The following HPSE2 variants were observed in gnomAD, a reference collection of about 807,000 sequenced individuals.
The protein encoded by HPSE2 is inactive heparanase-2.
HPSE2 carries 38 observed loss-of-function variants against 60.5 expected under a neutral mutation model. That is an observed-to-expected ratio of 0.63 (90% CI 0.48 to 0.82). HPSE2 has a LOEUF of 0.82. Among genes scored for constraint, HPSE2 ranks in the 40% least tolerant of loss-of-function variants. The probability of loss-of-function intolerance (pLI) is 0.00; values close to 1 mark genes in which losing one functional copy is unlikely to be tolerated. For missense variants in HPSE2, 713 were observed against 740.4 expected, an observed-to-expected ratio of 0.96 and a Z score of 0.43; for synonymous variants, 295 against 293.2, an observed-to-expected ratio of 1.01 and a Z score of -0.06.
intron 3 of HPSE2, among the ~76,000 whole-genome samples, chr10:98,942,721 T>C (rs375222840): frequency 5.9e-5 from 9 of 152,234 alleles, no homozygotes; most frequent in Admixed American, 2.0e-4. Context: ...CCCAGCCATC[T>C]CATTATTGGG....
At chr10:98,969,585 T>G (rs1302311840) in intron 3 of HPSE2, among the ~76,000 whole-genome samples, 3 of 152,190 alleles carry the variant, frequency 2.0e-5, no homozygotes, top group Admixed American at 2.0e-4. Context: ...TGGAGGTTAA[T>G]TAAGAAGAAA....
rs140804838 is a variant in HPSE2, at chr10:99,200,640, T to C, written c.448+31708A>G. ...TAATATGAATACAATGCCTGGTTCA[T>C]ATTAAATGTTTTAATAAGTATCATC... On this transcript the variant is annotated intron_variant, in intron 2 of 11. Transcript: ENST00000370552. Among the ~76,000 whole-genome samples the C allele has an allele frequency of 2.6e-3, 393 of 150,496 alleles. 6 individuals carry two copies. In the South Asian group the frequency reaches 0.036, roughly 14 times the overall value.
intron 3 of HPSE2, among the ~76,000 whole-genome samples, chr10:98,879,339 T>C (rs1952958023): frequency 6.6e-6 from 1 of 152,072 alleles, no homozygotes; most frequent in Non-Finnish European, 1.5e-5. Context: ...CTGTAAGAGA[T>C]GCTCCTAGTC....
At chr10:98,530,538 A>G (rs1051963643) in intron 9 of HPSE2, among the ~76,000 whole-genome samples, 1 of 152,198 alleles carries the variant, frequency 6.6e-6, no homozygotes, top group African/African-American at 2.4e-5. Context: ...GGCAAGTGTC[A>G]TGAGGTCATA....
intron 3 of HPSE2, among the ~76,000 whole-genome samples, chr10:98,841,313 T>C (rs1951908050): frequency 6.6e-6 from 1 of 152,210 alleles, no homozygotes; most frequent in South Asian, 2.1e-4. Flanking sequence ...TATATGGTTC[T>C]TCCACATTCC....
In HPSE2 at chr10:98,482,669, A is replaced by T; in HGVS notation, c.1580T>A (p.Leu527Gln). 6.2e-7 allele frequency: 1 copy of T among 1,614,212 alleles called. No homozygotes were observed. Among genetic ancestry groups the T allele is most frequent in the Non-Finnish European group, 8.5e-7 (1 of 1,180,036 alleles). ...LRDKLVHQYL[L>Q]QPYGQEGLKS... ...TAGGCCCTCCTGCCCATAGGGCTGC[A>T]GCAGGTACTGGTGAACCAGCTTGTC... Residue 527 changes from leucine to glutamine, a missense_variant, in exon 11 of 12, where the codon CTG becomes CAG. Leu to Gln is a moderately radical substitution (Grantham distance 113). Transcript: ENST00000370552.
chr10:98,996,647 C>T (rs181184201), intron 3 of HPSE2, among the ~76,000 whole-genome samples: 16 of 152,138 alleles, frequency 1.1e-4, no homozygotes, highest in African/African-American at 3.9e-4. Context: ...GGATAAACTG[C>T]GGTATATTCA....
chr10:98,603,463 C>T (rs1589491601), intron 9 of HPSE2, among the ~76,000 whole-genome samples: 1 of 143,124 alleles, frequency 7.0e-6, no homozygotes. Flanking sequence ...CAGAGTCTTG[C>T]TCTGTCGCCA....
intron 2 of HPSE2, among the ~76,000 whole-genome samples, chr10:99,192,491 C>T (rs1848256257): frequency 6.6e-6 from 1 of 152,134 alleles, no homozygotes; most frequent in African/African-American, 2.4e-5. Flanking sequence ...TGCTGGAGTG[C>T]AGTCGCACAA....
intron 3 of HPSE2, among the ~76,000 whole-genome samples, chr10:98,805,202 A>G (rs1017010402): frequency 6.6e-6 from 1 of 152,136 alleles, no homozygotes; most frequent in African/African-American, 2.4e-5. Flanking sequence ...CCAGTGTTCT[A>G]TTACTGGAAT....
intron 7 of HPSE2, among the ~76,000 whole-genome samples, chr10:98,640,425 G>A (rs1013969141): frequency 6.6e-6 from 1 of 152,226 alleles, no homozygotes; most frequent in Admixed American, 6.5e-5. Context: ...CAGAAGCTCT[G>A]AGGCTTCTCA....
intron 4 of HPSE2, among the ~76,000 whole-genome samples, chr10:98,732,952 C>T (rs1329799607): frequency 6.6e-6 from 1 of 152,100 alleles, no homozygotes; most frequent in Non-Finnish European, 1.5e-5. Context: ...AGAGCAAAAG[C>T]TTTGGGCTGA....
At chr10:98,479,691 G>T (rs1198188569) in intron 11 of HPSE2, among the ~76,000 whole-genome samples, 3 of 152,180 alleles carry the variant, frequency 2.0e-5, no homozygotes, top group Non-Finnish European at 4.4e-5. Context: ...AAGAATGAAG[G>T]GCCCAACATT....
intron 2 of HPSE2, among the ~76,000 whole-genome samples, chr10:99,194,093 G>T (rs1848313446): frequency 6.6e-6 from 1 of 151,860 alleles, no homozygotes; most frequent in South Asian, 2.1e-4. Context: ...GAATGTAACA[G>T]AATAAAACTA....
chr10:98,645,994 C>T (rs1283394543), intron 6 of HPSE2, among the ~76,000 whole-genome samples: 3 of 152,084 alleles, frequency 2.0e-5, no homozygotes, highest in Admixed American at 1.3e-4. Flanking sequence ...CAAAAACAAA[C>T]AAACAAAGAA....
intron 3 of HPSE2, among the ~76,000 whole-genome samples, chr10:98,818,409 T>C (rs1221796256): frequency 3.3e-5 from 5 of 152,174 alleles, no homozygotes; most frequent in Non-Finnish European, 7.3e-5. Flanking sequence ...GTAGGGTTCA[T>C]GCTCCTGTGA....
At chr10:99,093,787 C>T (rs572905581) in intron 3 of HPSE2, among the ~76,000 whole-genome samples, 1 of 152,282 alleles carries the variant, frequency 6.6e-6, no homozygotes, top group South Asian at 2.1e-4. Context: ...TTGGAGGATA[C>T]ATTCAAACTA....
chr10:98,516,206 T>C (rs1564933031), intron 9 of HPSE2, among the ~76,000 whole-genome samples: 2 of 152,180 alleles, frequency 1.3e-5, no homozygotes, highest in Admixed American at 6.5e-5. Flanking sequence ...CAGGAAACAA[T>C]CCTATAAAGA....
chr10:98,946,248 T>A (rs10883229), intron 3 of HPSE2, among the ~76,000 whole-genome samples: 72,904 of 151,774 alleles, frequency 0.48, 19,613 homozygotes, highest in East Asian at 0.62. Context: ...GGTGGGAGGA[T>A]TGCTTGAGGT....
Sources: allele counts gnomAD v4.1 joint callset (sites outside exome capture counted in the v4.1 genomes callset), GRCh38; gene constraint gnomAD v4.1.1; transcripts MANE v1.5; gene names NCBI Gene and HGNC (gene_info 2026-07-23, HGNC 2026-07-21).